Variants in GID8 observed in about 807,000 individuals in gnomAD.
GID8 encodes the protein glucose-induced degradation protein 8 homolog.
A neutral mutation model predicts 27.4 loss-of-function variants in GID8; 6 were observed. The observed-to-expected ratio is 0.22, with a 90% CI of 0.12 to 0.43. GID8 has a LOEUF of 0.43. GID8 is among the 20% of genes least tolerant of loss of function. GID8 has a pLI of 1.00. For missense variants in GID8, 173 were observed against 287.6 expected, an observed-to-expected ratio of 0.60 and a Z score of 2.88; for synonymous variants, 112 against 109.0, an observed-to-expected ratio of 1.03 and a Z score of -0.17.
At chr20:62,942,198 A>G (rs1281041845) in intron 2 of GID8, among the ~76,000 whole-genome samples, 2 of 152,218 alleles carry the variant, frequency 1.3e-5, no homozygotes, top group Admixed American at 1.3e-4. Flanking sequence ...TCATGCTTAT[A>G]GTCCCAGCAC....
Position 62,943,246 on chromosome 20 carries a change from G to A in GID8, c.315+63G>A. 7.9e-7 allele frequency: 1 copy of A among 1,270,836 alleles called. No homozygotes were observed. Among genetic ancestry groups the A allele is most frequent in the Non-Finnish European group, 1.1e-6 (1 of 895,612 alleles). The allele number at this position is 1,270,836 out of a possible 1,614,324, so 78.7% of individuals were successfully genotyped here. ...TTGATAAGTTAAAGTTATTTGCAAT[G>A]ATTGAGAAATAACTAGGCTAATTTG... On this transcript the variant is annotated intron_variant, in intron 3 of 4. Transcript: ENST00000266069. This position sits in a 1 kb window ranked among gnomAD's most constrained non-coding sequence, Gnocchi z 4.7.
Position 62,943,286 on chromosome 20 carries a change from T to C in GID8, c.315+103T>C, listed in dbSNP as rs540911884. 2.0e-6 allele frequency: 2 copies of C among 1,021,028 alleles called. No homozygotes were observed. Among genetic ancestry groups the C allele is most frequent in the East Asian group, 4.8e-5 (2 of 41,658 alleles). The allele number at this position is 1,021,028 out of a possible 1,614,324, so 63.2% of individuals were successfully genotyped here. The stretch of plus-strand genomic sequence containing the variant: ...AGGCTAATTTGCTTTAATAATGTTA[T>C]TTCAATGCATGTGAGGGGGAGAGGT... On this transcript the variant is annotated intron_variant, in intron 3 of 4. Transcript: ENST00000266069. The surrounding 1 kb of genome is among the most constrained non-coding windows in gnomAD (Gnocchi z 4.7).
In GID8 at chr20:62,945,262, C is replaced by T; in HGVS notation, c.*350C>T. 1 of 1,033,034 alleles carries T rather than the reference C, an allele frequency of 9.7e-7. No homozygotes were observed. The highest frequency in any genetic ancestry group is 1.2e-6 in the Non-Finnish European group (1 of 859,470). 64.0% of individuals were successfully genotyped at this position (1,033,034 alleles called of 1,614,324 possible). ...GTTAGGCTGCATCCCACTCAAAATA[C>T]AGGAAAAGCACGAATCATGATTCTG... is the stretch of plus-strand genomic sequence containing the variant. On this transcript the variant is annotated 3_prime_UTR_variant, in exon 5 of 5. Transcript: ENST00000266069.
At chr20:62,940,385 T>C (rs1173551191) in intron 1 of GID8, among the ~76,000 whole-genome samples, 2 of 148,140 alleles carry the variant, frequency 1.4e-5, no homozygotes, top group African/African-American at 2.5e-5. Context: ...AGTCTTGTTC[T>C]GTCGCCCAGG....
intron 1 of GID8, among the ~76,000 whole-genome samples, chr20:62,939,719 C>G (rs933044210): frequency 1.3e-5 from 2 of 152,228 alleles, no homozygotes; most frequent in Non-Finnish European, 2.9e-5. Flanking sequence ...TGCTCTCCAT[C>G]TCTTCTGCCG....
rs2065474597 is a variant in GID8 at position 62,948,231 on chromosome 20, T to C, written c.*3319T>C. ...CGCGTGTTGTTTTTTACAACAGGTA[T>C]GTTTTTGTTTCAGAAATATGTATTG... On this transcript the variant is annotated 3_prime_UTR_variant, in exon 5 of 5. Coordinates refer to ENST00000266069, the MANE Select transcript of GID8 (RefSeq NM_017896.3). 1 of 152,246 alleles carries C rather than the reference T, an allele frequency of 6.6e-6. No individual in the cohort carries two copies. Among genetic ancestry groups the C allele is most frequent in the South Asian group, 2.1e-4 (1 of 4,828 alleles). 9.4% of individuals were successfully genotyped at this position (152,246 alleles called of 1,614,324 possible).
Position 62,939,429 on chromosome 20 carries a change from C to T in GID8, c.-13+1176C>T, listed in dbSNP as rs551036200. ...CCCTGTGCCCCAGCACCGCCCCCCC[C>T]GCCCCTTATTTCACTAATTCATGTT... On this transcript the variant is annotated intron_variant, in intron 1 of 4. Transcript: ENST00000266069. Among the ~76,000 whole-genome samples, 14 of 151,952 alleles carry T rather than the reference C, an allele frequency of 9.2e-5. No homozygotes were observed. The South Asian group carries it at 2.7e-3, about 29-fold the overall frequency.
At chr20:62,941,713 A>G in intron 2 of GID8, 93 bp downstream of exon 2, 1 of 772,578 alleles carries the variant, frequency 1.3e-6, no homozygotes, top group Non-Finnish European at 2.4e-6. Context: ...TTGATGACGT[A>G]GTTATTTGTG....
At position 62,947,157 on chromosome 20, in the gene GID8, A is replaced by G. The variant is rs193158544; in HGVS notation, c.*2245A>G. The G allele has an allele frequency of 2.7e-4, 39 of 144,446 alleles. No homozygotes were observed. In the East Asian group the frequency reaches 6.2e-3, roughly 23 times the overall value. 8.9% of individuals were successfully genotyped at this position (144,446 alleles called of 1,614,324 possible). The stretch of plus-strand genomic sequence containing the variant: ...GGGAGACTGGGAAGTCTCCAGCGTT[A>G]CTGCTCTCCTTCCCTTCATGATAAG... On this transcript the variant is annotated 3_prime_UTR_variant, in exon 5 of 5. Coordinates refer to ENST00000266069, the MANE Select transcript of GID8 (RefSeq NM_017896.3).
intron 1 of GID8, chr20:62,938,656 C>T (rs1402480785): frequency 6.6e-6 from 1 of 152,226 alleles, no homozygotes; most frequent in South Asian, 2.1e-4. Context: ...CTTCAGCACA[C>T]GGGTGTTTTC....
In GID8 at chr20:62,943,769, G is replaced by T; in HGVS notation, c.513+77G>T. 8.7e-7 allele frequency: 1 copy of T among 1,149,890 alleles called. No individual in the cohort carries two copies. Among genetic ancestry groups the T allele is most frequent in the Non-Finnish European group, 1.3e-6 (1 of 776,028 alleles). The allele number at this position is 1,149,890 out of a possible 1,614,324, so 71.2% of individuals were successfully genotyped here. On this transcript the variant is annotated intron_variant, in intron 4 of 4. Transcript: ENST00000266069. The surrounding 1 kb of genome is among the most constrained non-coding windows in gnomAD (Gnocchi z 4.7). ...GGCTTCGTGACAACGCCAAGTGTGT[G>T]GCTTTGCTGTGTGGACTGAGAGACA...
chr20:62,945,738 G>A lies in GID8; in HGVS notation c.*826G>A. ...GCGGCAGTGGCTTTTTCTGGTACCT[G>A]CAGCTGGAAAGGCCACTTGGCCCTG... On this transcript the variant is annotated 3_prime_UTR_variant, in exon 5 of 5. Transcript: ENST00000266069. 3.3e-6 allele frequency: 4 copies of A among 1,213,988 alleles called. No individual in the cohort carries two copies. Among genetic ancestry groups the A allele is most frequent in the Non-Finnish European group, 3.2e-6 (3 of 947,654 alleles). 75.2% of individuals were successfully genotyped at this position (1,213,988 alleles called of 1,614,324 possible).
Position 62,938,245 on chromosome 20 carries a change from T to G in GID8, c.-21T>G. On this transcript the variant is annotated 5_prime_UTR_variant, in exon 1 of 5. Coordinates refer to ENST00000266069, the MANE Select transcript of GID8 (RefSeq NM_017896.3). ...CAGACCGCGCAGCGCGGGAGGCAGG[T>G]TCCGCACGGTAAGATGGCGGCGGCG... is the stretch of plus-strand genomic sequence containing the variant. The G allele has an allele frequency of 6.5e-6, 1 of 153,326 alleles. No individual in the cohort carries two copies. Among genetic ancestry groups the G allele is most frequent in the Non-Finnish European group, 1.4e-5 (1 of 69,126 alleles). The allele number at this position is 153,326 out of a possible 1,614,324, so 9.5% of individuals were successfully genotyped here.
chr20:62,944,999 C>A lies in GID8; in HGVS notation c.*87C>A, dbSNP rs2065459782. On this transcript the variant is annotated 3_prime_UTR_variant, in exon 5 of 5. Transcript: ENST00000266069. ...GCCTGCGACTGCAAGATTCTTACTG[C>A]AGTAGAGAACTCTTTTTCTCCCTTG... 5 of 1,477,174 alleles carry A rather than the reference C, an allele frequency of 3.4e-6. No homozygotes were observed. Among genetic ancestry groups the A allele is most frequent in the Non-Finnish European group, 3.6e-6 (4 of 1,113,494 alleles). 91.5% of individuals were successfully genotyped at this position (1,477,174 alleles called of 1,614,324 possible).
At position 62,938,154 on chromosome 20, in the gene GID8, T is replaced by G; in HGVS notation, c.-112T>G. ...CGCGGCCCCCACCTCTGCCTCCTTCTACTCGGGCGCCCCGGCGGCCGCCAC... is the reference window on the plus strand; with the variant it reads ...CGCGGCCCCCACCTCTGCCTCCTTCGACTCGGGCGCCCCGGCGGCCGCCAC... On this transcript the variant is annotated 5_prime_UTR_variant, in exon 1 of 5. Transcript: ENST00000266069. 1.0e-4 allele frequency: 27 copies of G among 260,322 alleles called. No individual in the cohort carries two copies. The highest frequency in any genetic ancestry group is 4.0e-4 in the East Asian group (6 of 15,084). 16.1% of individuals were successfully genotyped at this position (260,322 alleles called of 1,614,324 possible). A position where few individuals can be genotyped will look rare whatever the true frequency, so the allele number is the denominator to read the frequency against.
rs1453951762 is a variant in GID8 at position 62,946,039 on chromosome 20, G to A, written c.*1127G>A. 2 of 1,287,744 alleles carry A rather than the reference G, an allele frequency of 1.6e-6. No individual in the cohort carries two copies. The highest frequency in any genetic ancestry group is 2.0e-6 in the Non-Finnish European group (2 of 987,372). 79.8% of individuals were successfully genotyped at this position (1,287,744 alleles called of 1,614,324 possible). ...TGCCTGCGAGTCGGGACAGTTGATG[G>A]GCACATGGCCTTGTAGCTCTGGGCA... On this transcript the variant is annotated 3_prime_UTR_variant, in exon 5 of 5. Coordinates refer to ENST00000266069, the MANE Select transcript of GID8 (RefSeq NM_017896.3).
At chr20:62,939,492 G>T (rs1253583245) in intron 1 of GID8, among the ~76,000 whole-genome samples, 4 of 146,606 alleles carry the variant, frequency 2.7e-5, no homozygotes, top group Non-Finnish European at 5.9e-5. Flanking sequence ...TCAGACACCT[G>T]CTTGATTTCT....
Position 62,942,030 on chromosome 20 carries a change from G to T in GID8, c.118+410G>T, listed in dbSNP as rs369385368. Among the ~76,000 whole-genome samples, 86 of 152,308 alleles carry T rather than the reference G, an allele frequency of 5.6e-4. 1 individual carries two copies. The South Asian group carries it at 9.7e-3, about 17-fold the overall frequency. ...GCGTGCAGAGGGAAATAACAGTCAG[G>T]CTGTTCTTGATGTCAACTGGAGGAA... On this transcript the variant is annotated intron_variant, in intron 2 of 4. Transcript: ENST00000266069.
In GID8 at chr20:62,945,694, C is replaced by CAAAG; in HGVS notation, c.*782_*783insAAAG. ...CTCAAATGACCTTTTGTCTTTGGGG[C>CAAAG]GTTCTTCCCCCTGTGATAGCGGCAG... On this transcript the variant is annotated 3_prime_UTR_variant, in exon 5 of 5. Transcript: ENST00000266069. 3 of 1,186,104 alleles carry CAAAG rather than the reference C, an allele frequency of 2.5e-6. No individual in the cohort carries two copies. Among genetic ancestry groups the CAAAG allele is most frequent in the Non-Finnish European group, 3.2e-6 (3 of 937,958 alleles). 73.5% of individuals were successfully genotyped at this position (1,186,104 alleles called of 1,614,324 possible). A position where few individuals can be genotyped will look rare whatever the true frequency, so the allele number is the denominator to read the frequency against.
Sources: allele counts gnomAD v4.1 joint callset (sites outside exome capture counted in the v4.1 genomes callset), GRCh38; gene constraint gnomAD v4.1.1; non-coding constraint Gnocchi (gnomAD v3.1); transcripts MANE v1.5; gene names NCBI Gene and HGNC (gene_info 2026-07-23, HGNC 2026-07-21).